MTBP: variants seen among roughly 807,000 people sequenced by gnomAD.
The protein encoded by MTBP is MDM2 binding protein.
A neutral mutation model predicts 117.0 loss-of-function variants in MTBP; 101 were observed. The ratio of observed to expected loss-of-function variants is 0.86; its 90% CI spans 0.73 to 1.02. The LOEUF is 1.02. Among genes scored for constraint, MTBP ranks in the 50% least tolerant of loss-of-function variants. The pLI is 0.00. For synonymous variants in MTBP, 350 were observed against 351.5 expected (o/e 1.00, Z 0.05); for missense variants, 970 against 1,030.9 (o/e 0.94, Z 0.81).
intron 11 of MTBP, among the ~76,000 whole-genome samples, chr8:120,483,767 C>G (rs1353635243): frequency 1.3e-5 from 2 of 152,018 alleles, no homozygotes; most frequent in East Asian, 1.9e-4. Context: ...TATACGTATG[C>G]TTTTGGTGGA....
intron 1 of MTBP, among the ~76,000 whole-genome samples, chr8:120,446,086 A>T (rs1246293813): frequency 6.6e-6 from 1 of 152,184 alleles, no homozygotes; most frequent in South Asian, 2.1e-4. Context: ...TAGATTCAAT[A>T]TTGCATTTTA....
Position 120,456,533 on chromosome 8 carries a change from T to C in MTBP, c.630-20T>C, listed in dbSNP as rs1396207282. On this transcript the variant is annotated intron_variant, in intron 6 of 21. Transcript: ENST00000305949. ...AAATATAAAACCCTGTGTTTAATTG[T>C]TGTAATCTTTTTTTTATAGAAACTG... 12 of 1,315,458 alleles carry C rather than the reference T, an allele frequency of 9.1e-6. No homozygotes were observed. The highest frequency in any genetic ancestry group is 1.3e-5 in the Non-Finnish European group (12 of 923,586). The allele number at this position is 1,315,458 out of a possible 1,614,324, so 81.5% of individuals were successfully genotyped here.
At chr8:120,486,253 C>T (rs559841890) in intron 11 of MTBP, among the ~76,000 whole-genome samples, 6 of 152,122 alleles carry the variant, frequency 3.9e-5, no homozygotes, top group Non-Finnish European at 7.3e-5. Flanking sequence ...TTGAGACCAC[C>T]TTTAGGCTCC....
intron 10 of MTBP, among the ~76,000 whole-genome samples, chr8:120,468,725 A>C (rs1256245602): frequency 6.6e-6 from 1 of 152,126 alleles, no homozygotes; most frequent in African/African-American, 2.4e-5. Context: ...CATCTCATCG[A>C]TTTGCTGAGC....
intron 11 of MTBP, among the ~76,000 whole-genome samples, chr8:120,481,640 A>G (rs192692901): frequency 7.3e-4 from 111 of 152,332 alleles, no homozygotes; most frequent in African/African-American, 2.4e-3. Flanking sequence ...GTCTGAGGCC[A>G]TGGGTAGAAG....
chr8:120,491,965 CAG>C (rs1309185155), intron 13 of MTBP, among the ~76,000 whole-genome samples: 2 of 151,960 alleles, frequency 1.3e-5, no homozygotes, highest in African/African-American at 4.8e-5. Context: ...AAAAGTTCAA[CAG>C]AGTTGGTGAG....
chr8:120,488,094 G>A (rs377155952), intron 11 of MTBP, 65 bp from the exon 12 acceptor site: 108 of 1,321,002 alleles, frequency 8.2e-5, no homozygotes, highest in African/African-American at 2.0e-4. Flanking sequence ...TGGATCAAAT[G>A]TATGGTTCTG....
At chr8:120,480,409 CA>C (rs954333079) in intron 11 of MTBP, among the ~76,000 whole-genome samples, 16 of 141,944 alleles carry the variant, frequency 1.1e-4, no homozygotes, top group Non-Finnish European at 2.0e-4. Context: ...GACTCCGTCT[CA>C]AAAAAAAAAG....
chr8:120,466,918 T>C (rs1302471512), intron 10 of MTBP, among the ~76,000 whole-genome samples: 1 of 152,156 alleles, frequency 6.6e-6, no homozygotes, highest in Non-Finnish European at 1.5e-5. Context: ...TATTAAACAA[T>C]TAATTTTTTT....
intron 11 of MTBP, among the ~76,000 whole-genome samples, chr8:120,477,022 C>T (rs545388173): frequency 8.9e-4 from 136 of 152,170 alleles, no homozygotes; most frequent in Non-Finnish European, 1.7e-3. Flanking sequence ...CTACAGTAAC[C>T]AAAACAGCAT....
chr8:120,477,837 CAG>C (rs1813979809), intron 11 of MTBP, among the ~76,000 whole-genome samples: 1 of 152,126 alleles, frequency 6.6e-6, no homozygotes, highest in South Asian at 2.1e-4. Flanking sequence ...TTGTGGAAGA[CAG>C]TGTGGCAATT....
intron 19 of MTBP, among the ~76,000 whole-genome samples, chr8:120,518,383 T>G (rs1814957381): frequency 1.3e-5 from 2 of 151,972 alleles, no homozygotes; most frequent in Admixed American, 1.3e-4. Context: ...TGCTTGAAAT[T>G]TCCCATAATA....
intron 16 of MTBP, among the ~76,000 whole-genome samples, chr8:120,507,795 G>A (rs1257137157): frequency 6.6e-6 from 1 of 152,008 alleles, no homozygotes; most frequent in Admixed American, 6.6e-5. Context: ...TATAATTTTG[G>A]AGTAATTTTT....
At chr8:120,491,879 A>G (rs7814311) in intron 13 of MTBP, among the ~76,000 whole-genome samples, 87,147 of 151,992 alleles carry the variant, frequency 0.57, 26,498 homozygotes, top group Non-Finnish European at 0.67. Context: ...TTAACCCCAA[A>G]AGGGCCATCC....
At chr8:120,490,751 T>C in intron 13 of MTBP, 181 bp downstream of exon 13, 2 of 456,004 alleles carry the variant, frequency 4.4e-6, no homozygotes, top group South Asian at 7.4e-5. Context: ...AGATTCAGAA[T>C]ATTTCTGTTT....
Position 120,456,763 on chromosome 8 carries a change from A to G in MTBP, c.747+93A>G, listed in dbSNP as rs752763844. On this transcript the variant is annotated intron_variant, in intron 7 of 21. Coordinates refer to ENST00000305949, the MANE Select transcript of MTBP (RefSeq NM_022045.5). ...AAATCTTAATGAAAATGTACCTTAT[A>G]AAGATATTCTAGAATAGCACTAAGT... The G allele has an allele frequency of 8.0e-6, 6 of 750,290 alleles. No individual in the cohort carries two copies. The South Asian group carries it at 9.1e-5, about 11-fold the overall frequency. 46.5% of individuals were successfully genotyped at this position (750,290 alleles called of 1,614,324 possible). A position where few individuals can be genotyped will look rare whatever the true frequency, so the allele number is the denominator to read the frequency against.
rs193246636 is a variant in MTBP, at chr8:120,467,434, G to A, written c.1048-3386G>A. Among the ~76,000 whole-genome samples the A allele has an allele frequency of 2.3e-4, 35 of 152,234 alleles. No homozygotes were observed. In the East Asian group the frequency reaches 6.2e-3, roughly 27 times the overall value. On this transcript the variant is annotated intron_variant, in intron 10 of 21. Coordinates refer to ENST00000305949, the MANE Select transcript of MTBP (RefSeq NM_022045.5). ...GTCCAAGACCAGCCTGAGCAACATG[G>A]TGAAACCCCGCCTCTACTAAAACAA...
At chr8:120,512,282 C>T (rs1814828630) in intron 17 of MTBP, among the ~76,000 whole-genome samples, 1 of 152,074 alleles carries the variant, frequency 6.6e-6, no homozygotes. Context: ...TCTTCTTCAG[C>T]CCTATAAACA....
chr8:120,461,231 A>G lies in MTBP; in HGVS notation c.953A>G (p.Tyr318Cys), dbSNP rs371337948. Reference protein sequence around the residue: ...MIKLSDLPSCYMSDIEFELGL... With the variant: ...MIKLSDLPSCCMSDIEFELGL... ...AAATTATCAGATCTACCCTCCTGCTATATGTCGGATATTGAATTTGAGTTG... is the reference window on the plus strand; with the variant it reads ...AAATTATCAGATCTACCCTCCTGCTGTATGTCGGATATTGAATTTGAGTTG... Residue 318 changes from tyrosine to cysteine, a missense_variant, in exon 9 of 22, where the codon TAT becomes TGT. Physicochemically the swap from Tyr to Cys is radical, Grantham distance 194. Transcript: ENST00000305949. 2.5e-6 allele frequency: 4 copies of G among 1,598,178 alleles called. No homozygotes were observed. Among genetic ancestry groups the G allele is most frequent in the African/African-American group, 2.7e-5 (2 of 74,668 alleles).
Sources: gnomAD v4.1 joint callset for allele counts (sites outside exome capture counted in the v4.1 genomes callset) on GRCh38, gnomAD v4.1.1 for gene constraint, MANE v1.5 for transcripts, NCBI Gene and HGNC (gene_info 2026-07-23, HGNC 2026-07-21) for gene names.